Variants in TMEM232 observed in about 807,000 individuals in gnomAD.
The protein encoded by TMEM232 is transmembrane protein 232.
A neutral mutation model predicts 78.8 loss-of-function variants in TMEM232; 80 were observed. The observed-to-expected ratio is 1.01, with a 90% confidence interval of 0.85 to 1.22. The LOEUF is 1.22. Ranked by LOEUF, TMEM232 falls within the 50% of genes most tolerant of loss-of-function variation. The pLI, the probability that TMEM232 is intolerant of heterozygous loss-of-function variation, is 0.00. For missense variants in TMEM232, 881 were observed against 742.2 expected, an observed-to-expected ratio of 1.19 and a Z score of -2.17; for synonymous variants, 297 against 254.3, an observed-to-expected ratio of 1.17 and a Z score of -1.60.
At chr5:110,412,996 C>T (rs185777641) in intron 2 of TMEM232, among the ~76,000 whole-genome samples, 1 of 152,170 alleles carries the variant, frequency 6.6e-6, no homozygotes, top group African/African-American at 2.4e-5. Flanking sequence ...ACCTGAAATC[C>T]ATGTGTGATA....
intron 5 of TMEM232, among the ~76,000 whole-genome samples, chr5:110,631,426 TGA>T (rs1785116329): frequency 6.6e-6 from 1 of 152,068 alleles, no homozygotes. Context: ...GGAACCCAAA[TGA>T]GAGCCAGCTA....
chr5:110,404,804 C>T (rs1381690118), intron 2 of TMEM232, among the ~76,000 whole-genome samples: 1 of 151,996 alleles, frequency 6.6e-6, no homozygotes, highest in African/African-American at 2.4e-5. Context: ...AACTTCTCTA[C>T]CTAGGGAACA....
intron 8 of TMEM232, among the ~76,000 whole-genome samples, chr5:110,613,340 T>C (rs1391795623): frequency 6.6e-6 from 1 of 152,132 alleles, no homozygotes; most frequent in African/African-American, 2.4e-5. Context: ...GCATCAGAAA[T>C]GGGCATATGA....
intron 2 of TMEM232, among the ~76,000 whole-genome samples, chr5:110,648,986 T>G (rs557946111): frequency 2.8e-4 from 43 of 152,238 alleles, no homozygotes; most frequent in Admixed American, 2.1e-3. Context: ...GCTGGCATGC[T>G]GTTCCCTGTG....
chr5:110,667,794 T>C (rs1181614468), intron 1 of TMEM232: 1 of 152,310 alleles, frequency 6.6e-6, no homozygotes, highest in African/African-American at 2.4e-5. Flanking sequence ...ATAGGAAACT[T>C]TATGTAATCA....
chr5:110,713,255 G>A (rs1175640826), intron 1 of TMEM232, among the ~76,000 whole-genome samples: 2 of 152,046 alleles, frequency 1.3e-5, no homozygotes, highest in African/African-American at 2.4e-5. Context: ...TGGGAAAGGT[G>A]GTAAGTGGTG....
At chr5:110,702,956 G>C (rs1795577840) in intron 1 of TMEM232, among the ~76,000 whole-genome samples, 1 of 151,946 alleles carries the variant, frequency 6.6e-6, no homozygotes, top group South Asian at 2.1e-4. Context: ...AACTACTCTG[G>C]ACAATCTAGC....
chr5:110,530,727 A>G (rs138805097), intron 11 of TMEM232, among the ~76,000 whole-genome samples: 1 of 152,282 alleles, frequency 6.6e-6, no homozygotes, highest in East Asian at 1.9e-4. Context: ...TGACGGGTGA[A>G]GGGCTGGGGA....
At chr5:110,528,537 T>C in intron 12 of TMEM232, 51 bp downstream of exon 12, 1 of 1,407,000 alleles carries the variant, frequency 7.1e-7, no homozygotes, top group Non-Finnish European at 9.2e-7. Context: ...ATTTCTGTGA[T>C]TTTGAATTGT....
At chr5:110,607,613 T>C (rs538021320) in intron 8 of TMEM232, among the ~76,000 whole-genome samples, 1 of 152,124 alleles carries the variant, frequency 6.6e-6, no homozygotes, top group East Asian at 1.9e-4. Flanking sequence ...AAGTTCATTG[T>C]ATCTAATTTA....
At chr5:110,617,245 G>C (rs537017736) in intron 8 of TMEM232, among the ~76,000 whole-genome samples, 27 of 152,328 alleles carry the variant, frequency 1.8e-4, no homozygotes, top group African/African-American at 5.8e-4. Flanking sequence ...CTAGGTAGTA[G>C]AATGGTATAA....
intron 11 of TMEM232, among the ~76,000 whole-genome samples, chr5:110,550,370 C>T (rs997974032): frequency 3.3e-5 from 5 of 152,010 alleles, no homozygotes; most frequent in African/African-American, 1.2e-4. Flanking sequence ...TCACGTAAAA[C>T]ATACATGTCC....
At chr5:110,498,796 T>C (rs1406211480) in intron 12 of TMEM232, among the ~76,000 whole-genome samples, 2 of 152,196 alleles carry the variant, frequency 1.3e-5, no homozygotes, top group Non-Finnish European at 2.9e-5. Context: ...CAGGACTTTC[T>C]ATAACTAAGG....
intron 8 of TMEM232, among the ~76,000 whole-genome samples, chr5:110,610,072 T>C (rs1381597339): frequency 6.6e-6 from 1 of 151,774 alleles, no homozygotes; most frequent in Non-Finnish European, 1.5e-5. Context: ...GAAATTAAAA[T>C]GTAAAAATAT....
chr5:110,686,406 C>G (rs151257911), intron 1 of TMEM232, among the ~76,000 whole-genome samples: 299 of 152,032 alleles, frequency 2.0e-3, no homozygotes, highest in Middle Eastern at 6.8e-3. Flanking sequence ...CAAGCAGAAA[C>G]TGCCAGGCAT....
At chr5:110,649,126 C>T (rs1787934605) in intron 2 of TMEM232, among the ~76,000 whole-genome samples, 1 of 152,008 alleles carries the variant, frequency 6.6e-6, no homozygotes, top group Non-Finnish European at 1.5e-5. Flanking sequence ...CAAACTGCAA[C>T]TATACAAACA....
intron 12 of TMEM232, among the ~76,000 whole-genome samples, chr5:110,495,615 C>CA (rs1173001941): frequency 1.3e-5 from 2 of 151,338 alleles, no homozygotes; most frequent in African/African-American, 2.4e-5. Flanking sequence ...TTCTCTAGTC[C>CA]AAAAAAACTA....
chr5:110,583,946 A>C (rs2149738021), intron 10 of TMEM232, among the ~76,000 whole-genome samples: 1 of 147,468 alleles, frequency 6.8e-6, no homozygotes, highest in South Asian at 2.1e-4. Context: ...TCACTTCACA[A>C]CTGTTAGAAT....
At chr5:110,532,726 A>G (rs140268625) in intron 11 of TMEM232, among the ~76,000 whole-genome samples, 4,409 of 151,756 alleles carry the variant, frequency 0.029, 70 homozygotes, top group African/African-American at 0.047. Context: ...CCCCCACCTT[A>G]ACACACAAGT....
Sources: gnomAD v4.1 joint callset for allele counts (sites outside exome capture counted in the v4.1 genomes callset) on GRCh38, gnomAD v4.1.1 for gene constraint, MANE v1.5 for transcripts, NCBI Gene and HGNC (gene_info 2026-07-23, HGNC 2026-07-21) for gene names.